GABRB2: variants seen among roughly 807,000 people sequenced by gnomAD.
GABRB2 encodes gamma-aminobutyric acid receptor subunit beta-2.
Under a neutral mutation model 54.7 loss-of-function variants are expected in GABRB2, and 16 were observed. The observed-to-expected ratio is 0.29, with a 90% CI of 0.20 to 0.44. GABRB2 has a LOEUF of 0.44. Among genes scored for constraint, GABRB2 ranks in the 20% least tolerant of loss-of-function variants. The probability of loss-of-function intolerance (pLI) is 1.00; values close to 1 mark genes in which losing one functional copy is unlikely to be tolerated. For missense variants in GABRB2, 355 were observed against 644.0 expected (o/e 0.55, Z 4.86); for synonymous variants, 244 against 233.8 (o/e 1.04, Z -0.40).
intron 5 of GABRB2, among the ~76,000 whole-genome samples, chr5:161,368,110 C>T (rs931578872): frequency 7.2e-5 from 8 of 111,654 alleles, no homozygotes; most frequent in African/African-American, 3.2e-4. Context: ...CCAATTCTCC[C>T]TCTCTGACAC....
At chr5:161,509,281 G>A (rs574108509) in intron 3 of GABRB2, among the ~76,000 whole-genome samples, 1 of 152,046 alleles carries the variant, frequency 6.6e-6, no homozygotes, top group East Asian at 1.9e-4. Context: ...AGATAAAAAA[G>A]CTTTCCACTA....
In GABRB2 at chr5:161,501,073, C is replaced by T. The variant is rs927136405; in HGVS notation, c.238-41229G>A. On this transcript the variant is annotated intron_variant, in intron 3 of 9. Coordinates refer to ENST00000393959, the MANE Select transcript of GABRB2 (RefSeq NM_001371727.1). ...TAAATGGGCATGTATCATCTAGTTA[C>T]AGAATGTTTTAAATAATAAACTTCC... Among the ~76,000 whole-genome samples the T allele has an allele frequency of 7.9e-4, 113 of 143,288 alleles. 1 individual carries two copies. The highest frequency in any genetic ancestry group is 6.2e-4 in the Non-Finnish European group (41 of 66,390). 94.0% of individuals were successfully genotyped at this position (143,288 alleles called of 152,430 possible).
At position 161,463,551 on chromosome 5, in the gene GABRB2, TTATTTATATATATATA is replaced by T. The variant is rs1416999677; in HGVS notation, c.238-3723_238-3708del. Reference sequence around the variant, plus strand: ...GTTGACAAGGTGATTCCAAATATTTTTATTTATATATATATATATATATATATATATATATATATAT... The same window carrying T: ...GTTGACAAGGTGATTCCAAATATTTTTATATATATATATATATATATATAT... On this transcript the variant is annotated intron_variant, in intron 3 of 9. Transcript: ENST00000393959. Among the ~76,000 whole-genome samples the T allele has an allele frequency of 1.6e-3, 47 of 30,264 alleles. 1 individual carries two copies. Among genetic ancestry groups the T allele is most frequent in the South Asian group, 3.6e-3 (2 of 556 alleles). The allele number at this position is 30,264 out of a possible 152,430, so 19.9% of individuals were successfully genotyped here. A position where few individuals can be genotyped will look rare whatever the true frequency, so the allele number is the denominator to read the frequency against.
chr5:161,301,646 A>G (rs1757542512), intron 9 of GABRB2, among the ~76,000 whole-genome samples: 1 of 152,212 alleles, frequency 6.6e-6, no homozygotes, highest in Non-Finnish European at 1.5e-5. Context: ...GGGAGGGAAG[A>G]GGTAGACTGG....
chr5:161,291,267 G>T lies in GABRB2; in HGVS notation c.*2814C>A, dbSNP rs528204499. The stretch of plus-strand genomic sequence containing the variant: ...GCTATCTGGCTGTTTATAATTAAAA[G>T]AAAATCTATACATATGTATAAACTG... On this transcript the variant is annotated 3_prime_UTR_variant, in exon 10 of 10. Transcript: ENST00000393959. 6.6e-6 allele frequency: 1 copy of T among 152,424 alleles called. No homozygotes were observed. The highest frequency in any genetic ancestry group is 2.1e-4 in the South Asian group (1 of 4,826). The allele number at this position is 152,424 out of a possible 1,614,324, so 9.4% of individuals were successfully genotyped here.
chr5:161,429,886 G>T (rs961456853), intron 4 of GABRB2, among the ~76,000 whole-genome samples: 1 of 152,084 alleles, frequency 6.6e-6, no homozygotes, highest in Non-Finnish European at 1.5e-5. Flanking sequence ...TCTAGATAAG[G>T]TATCAATTTC....
chr5:161,384,462 C>T lies in GABRB2; in HGVS notation c.541+26513G>A, dbSNP rs529464890. Among the ~76,000 whole-genome samples the T allele has an allele frequency of 2.3e-4, 35 of 152,238 alleles. 1 individual carries two copies. The highest frequency in any genetic ancestry group is 1.1e-3 in the Admixed American group (17 of 15,278). On this transcript the variant is annotated intron_variant, in intron 5 of 9. Coordinates refer to ENST00000393959, the MANE Select transcript of GABRB2 (RefSeq NM_001371727.1). ...GTTAAGACAGAAAAGTGGAGATTGC[C>T]TCAGGCTTCTTTCACGGTAACAGTG...
intron 5 of GABRB2, among the ~76,000 whole-genome samples, chr5:161,386,575 T>C (rs1755645322): frequency 6.6e-6 from 1 of 152,164 alleles, no homozygotes; most frequent in African/African-American, 2.4e-5. Context: ...AGACAAGGTC[T>C]CACTCTGTCG....
At chr5:161,438,931 T>A (rs1209068030) in intron 4 of GABRB2, among the ~76,000 whole-genome samples, 1 of 151,916 alleles carries the variant, frequency 6.6e-6, no homozygotes, top group African/African-American at 2.4e-5. Flanking sequence ...AAAGGGCAAA[T>A]CTAAGAGTTA....
At chr5:161,496,191 A>G (rs1759236631) in intron 3 of GABRB2, among the ~76,000 whole-genome samples, 1 of 152,094 alleles carries the variant, frequency 6.6e-6, no homozygotes, top group Non-Finnish European at 1.5e-5. Flanking sequence ...TTGACTTTGA[A>G]CTAATTATGC....
At chr5:161,334,558 A>G (rs1417356513) in intron 7 of GABRB2, among the ~76,000 whole-genome samples, 194 bp downstream of exon 7, 1 of 152,214 alleles carries the variant, frequency 6.6e-6, no homozygotes, top group Non-Finnish European at 1.5e-5. Context: ...TACTGACATG[A>G]AAGAGCTTTA....
intron 9 of GABRB2, among the ~76,000 whole-genome samples, chr5:161,307,972 C>A (rs1183860815): frequency 6.6e-6 from 1 of 151,720 alleles, no homozygotes; most frequent in African/African-American, 2.4e-5. Flanking sequence ...CATTCTCCTG[C>A]CTCAGCCTCC....
Position 161,342,056 on chromosome 5 carries a change from A to G in GABRB2, c.542-5287T>C, listed in dbSNP as rs888148061. 4.0e-5 allele frequency among the ~76,000 whole-genome samples: 6 copies of G among 148,308 alleles called. No individual in the cohort carries two copies. The Admixed American group carries it at 4.1e-4, about 10-fold the overall frequency. The stretch of plus-strand genomic sequence containing the variant: ...TTTTTAAACTTTGTTTCTCATTTGG[A>G]TTGGTAAATATTCTAGGATTGTATC... On this transcript the variant is annotated intron_variant, in intron 5 of 9. Transcript: ENST00000393959.
At chr5:161,502,056 A>C (rs1210466172) in intron 3 of GABRB2, among the ~76,000 whole-genome samples, 1 of 149,610 alleles carries the variant, frequency 6.7e-6, no homozygotes, top group Non-Finnish European at 1.5e-5. Context: ...TATATATTTA[A>C]GGTAAAAATG....
chr5:161,475,029 C>A (rs550880141), intron 3 of GABRB2, among the ~76,000 whole-genome samples: 67 of 151,844 alleles, frequency 4.4e-4, no homozygotes, highest in Non-Finnish European at 8.1e-4. Context: ...AACACACCAG[C>A]TGGAGAGAGG....
chr5:161,318,014 T>C (rs1458701535), intron 9 of GABRB2, among the ~76,000 whole-genome samples: 2 of 152,018 alleles, frequency 1.3e-5, no homozygotes, highest in Non-Finnish European at 2.9e-5. Flanking sequence ...GTTATATATA[T>C]GAAAAACTTG....
At chr5:161,459,538 G>A in intron 4 of GABRB2, 86 bp downstream of exon 4, 2 of 1,143,098 alleles carry the variant, frequency 1.7e-6, no homozygotes, top group Non-Finnish European at 2.6e-6. Context: ...AGAAAGATAA[G>A]GAAAATAGCA....
Position 161,476,235 on chromosome 5 carries a change from G to A in GABRB2, c.238-16391C>T, listed in dbSNP as rs190804513. On this transcript the variant is annotated intron_variant, in intron 3 of 9. Coordinates refer to ENST00000393959, the MANE Select transcript of GABRB2 (RefSeq NM_001371727.1). Reference sequence around the variant, plus strand: ...AATACTTAGGAATAAACTTAACCAAGGTAACAAAAGATGTGTACTCTGCAA... The same window carrying A: ...AATACTTAGGAATAAACTTAACCAAAGTAACAAAAGATGTGTACTCTGCAA... 3.8e-4 allele frequency among the ~76,000 whole-genome samples: 58 copies of A among 151,694 alleles called. 1 individual carries two copies. Among genetic ancestry groups the A allele is most frequent in the Admixed American group, 7.2e-4 (11 of 15,226 alleles).
chr5:161,373,229 A>G lies in GABRB2; in HGVS notation c.542-36460T>C, dbSNP rs550479119. Among the ~76,000 whole-genome samples the G allele has an allele frequency of 1.1e-4, 17 of 152,358 alleles. No individual in the cohort carries two copies. In the South Asian group the frequency reaches 3.1e-3, roughly 28 times the overall value. On this transcript the variant is annotated intron_variant, in intron 5 of 9. Transcript: ENST00000393959. ...TCCCTTCTCATCTCATACACAAGAT[A>G]TATTAGTCACAGACATGCAAGTTCT...
Sources: gnomAD v4.1 joint callset for allele counts (sites outside exome capture counted in the v4.1 genomes callset) on GRCh38, gnomAD v4.1.1 for gene constraint, MANE v1.5 for transcripts, NCBI Gene and HGNC (gene_info 2026-07-23, HGNC 2026-07-21) for gene names.